METTL15: variants seen among roughly 807,000 people sequenced by gnomAD.
METTL15 encodes 12S rRNA N(4)-cytidine methyltransferase METTL15.
Under a neutral mutation model 38.3 loss-of-function variants are expected in METTL15, and 34 were observed. That is an observed-to-expected ratio of 0.89 (90% CI 0.68 to 1.18). The LOEUF (loss-of-function observed/expected upper bound fraction) is 1.18. Ranked by LOEUF, METTL15 falls within the 50% of genes most tolerant of loss-of-function variation. The pLI, the probability that METTL15 is intolerant of heterozygous loss-of-function variation, is 0.00. For synonymous variants in METTL15, 162 were observed against 170.9 expected, an observed-to-expected ratio of 0.95 and a Z score of 0.41; for missense variants, 438 against 498.4, an observed-to-expected ratio of 0.88 and a Z score of 1.15.
intron 5 of METTL15, among the ~76,000 whole-genome samples, chr11:28,422,784 G>A (rs115045747): frequency 2.6e-3 from 396 of 152,078 alleles, no homozygotes; most frequent in African/African-American, 8.2e-3. Context: ...ACCTTGACTA[G>A]GCAAGGATTT....
intron 4 of METTL15, among the ~76,000 whole-genome samples, chr11:28,222,644 T>G (rs1853294536): frequency 6.6e-6 from 1 of 152,192 alleles, no homozygotes; most frequent in Non-Finnish European, 1.5e-5. Context: ...TCTGCTTTGC[T>G]CATGCTGGGT....
intron 3 of METTL15, among the ~76,000 whole-genome samples, chr11:28,161,657 T>A (rs1345753962): frequency 6.6e-6 from 1 of 152,096 alleles, no homozygotes; most frequent in Non-Finnish European, 1.5e-5. Context: ...ATACTAATTG[T>A]CTAGGTTGTC....
chr11:28,419,414 C>T (rs529943781), intron 5 of METTL15, among the ~76,000 whole-genome samples: 3 of 152,302 alleles, frequency 2.0e-5, no homozygotes, highest in South Asian at 2.1e-4. Flanking sequence ...TATCTCTACA[C>T]GTCTACAACA....
intron 4 of METTL15, among the ~76,000 whole-genome samples, chr11:28,260,222 G>C (rs1855146278): frequency 6.6e-6 from 1 of 152,156 alleles, no homozygotes; most frequent in African/African-American, 2.4e-5. Context: ...CTTAGCTCTT[G>C]TTATTCCTTT....
chr11:28,231,059 A>G (rs1311966751), intron 4 of METTL15, among the ~76,000 whole-genome samples: 2 of 151,912 alleles, frequency 1.3e-5, no homozygotes, highest in Admixed American at 1.3e-4. Context: ...AGGAATATAC[A>G]TTCTTATTTT....
chr11:28,353,616 C>T (rs1023760007), intron 4 of METTL15, among the ~76,000 whole-genome samples: 2 of 152,222 alleles, frequency 1.3e-5, no homozygotes, highest in Non-Finnish European at 2.9e-5. Flanking sequence ...ATCTTTTCCT[C>T]ATAAGTATGT....
chr11:28,453,629 A>G (rs150643367), intron 6 of METTL15, among the ~76,000 whole-genome samples: 1,971 of 152,342 alleles, frequency 0.013, 22 homozygotes, highest in Non-Finnish European at 0.02. Flanking sequence ...GAGGATTCTG[A>G]TAGTTGACAT....
rs58743343 is a variant in METTL15, at chr11:28,403,676, T to TA, written c.*359-20622dup. ...CACACACAATGAACCATGTCATAGA[T>TA]ACTCTCATGACACAAGACAATTTCA... On this transcript the variant is annotated intron_variant and NMD_transcript_variant, in intron 5 of 7. Coordinates refer to the METTL15 transcript ENST00000532947. 2.0e-3 allele frequency among the ~76,000 whole-genome samples: 311 copies of TA among 152,216 alleles called. 1 individual carries two copies. Among genetic ancestry groups the TA allele is most frequent in the African/African-American group, 7.1e-3 (295 of 41,560 alleles).
At chr11:28,160,130 T>A (rs1850405719) in intron 3 of METTL15, among the ~76,000 whole-genome samples, 1 of 152,114 alleles carries the variant, frequency 6.6e-6, no homozygotes, top group Non-Finnish European at 1.5e-5. Context: ...CTTTCTCCCA[T>A]GCTGGATGCT....
intron 5 of METTL15, among the ~76,000 whole-genome samples, chr11:28,397,083 A>G (rs1850578215): frequency 6.6e-6 from 1 of 152,190 alleles, no homozygotes; most frequent in Non-Finnish European, 1.5e-5. Context: ...TTTATACAAA[A>G]ATTAATTCAA....
chr11:28,460,620 G>C (rs372502537), intron 6 of METTL15, among the ~76,000 whole-genome samples: 37 of 152,192 alleles, frequency 2.4e-4, no homozygotes, highest in African/African-American at 8.2e-4. Flanking sequence ...ATTGGGAACT[G>C]TGACTGGTAT....
At chr11:28,383,717 T>C (rs56017217) in intron 5 of METTL15, among the ~76,000 whole-genome samples, 3,037 of 152,288 alleles carry the variant, frequency 0.02, 58 homozygotes, top group Non-Finnish European at 0.029. Context: ...TGTTTAGTGA[T>C]GTTGAGCATT....
intron 6 of METTL15, among the ~76,000 whole-genome samples, chr11:28,301,319 C>T (rs1473025562): frequency 6.6e-6 from 1 of 152,092 alleles, no homozygotes; most frequent in Non-Finnish European, 1.5e-5. Context: ...TCAGCTCATC[C>T]TTTAGAGCTC....
At chr11:28,196,939 T>C (rs1851931314) in intron 3 of METTL15, among the ~76,000 whole-genome samples, 1 of 151,928 alleles carries the variant, frequency 6.6e-6, no homozygotes, top group South Asian at 2.1e-4. Flanking sequence ...CTATGATTAG[T>C]GGTATGATAA....
At chr11:28,166,500 G>A (rs1386837052) in intron 3 of METTL15, among the ~76,000 whole-genome samples, 1 of 152,138 alleles carries the variant, frequency 6.6e-6, no homozygotes, top group Non-Finnish European at 1.5e-5. Flanking sequence ...TTTCTTCTTG[G>A]TTATCATCCT....
intron 6 of METTL15, among the ~76,000 whole-genome samples, chr11:28,513,157 G>A (rs546205933): frequency 2.6e-5 from 4 of 152,308 alleles, no homozygotes; most frequent in South Asian, 2.1e-4. Flanking sequence ...CATACTCGCA[G>A]TAAACATTGC....
intron 4 of METTL15, among the ~76,000 whole-genome samples, chr11:28,222,653 G>T (rs1853295335): frequency 6.6e-6 from 1 of 152,108 alleles, no homozygotes; most frequent in Non-Finnish European, 1.5e-5. Flanking sequence ...CTCATGCTGG[G>T]TGCTGTAGAC....
chr11:28,268,438 A>G (rs1248547414), intron 4 of METTL15, among the ~76,000 whole-genome samples: 5 of 152,048 alleles, frequency 3.3e-5, no homozygotes, highest in African/African-American at 1.2e-4. Flanking sequence ...ACTGGTATAG[A>G]GAATCCATTA....
At chr11:28,467,253 T>TA (rs1331491935) in intron 6 of METTL15, among the ~76,000 whole-genome samples, 1 of 152,132 alleles carries the variant, frequency 6.6e-6, no homozygotes, top group Non-Finnish European at 1.5e-5. Context: ...GGGTGGAGGA[T>TA]AAGGGGACCA....
Sources: allele counts gnomAD v4.1 joint callset (sites outside exome capture counted in the v4.1 genomes callset), GRCh38; gene constraint gnomAD v4.1.1; transcripts MANE v1.5; gene names NCBI Gene and HGNC (gene_info 2026-07-23, HGNC 2026-07-21).